CRYGC: variants seen among roughly 807,000 people sequenced by gnomAD.
CRYGC encodes the protein crystallin gamma C, also known as gamma-crystallin C.
In CRYGC, 14 loss-of-function variants were observed where a neutral mutation model predicts 21.9. That is an observed-to-expected ratio of 0.64 (90% CI 0.42 to 1.00). The LOEUF is 1.00. CRYGC is among the 50% of genes least tolerant of loss of function. The pLI, the probability that CRYGC is intolerant of heterozygous loss-of-function variation, is 0.00. For missense variants in CRYGC, 235 were observed against 234.2 expected (o/e 1.00, Z -0.02); for synonymous variants, 96 against 89.8 (o/e 1.07, Z -0.39).
chr2:208,128,255 C>T lies in CRYGC; in HGVS notation c.473G>A (p.Gly158Glu). 2 of 1,614,236 alleles carry T rather than the reference C, an allele frequency of 1.2e-6. No individual in the cohort carries two copies. Among genetic ancestry groups the T allele is most frequent in the Non-Finnish European group, 8.5e-7 (1 of 1,180,048 alleles). Residue 158 changes from glycine to glutamate, a missense_variant, in exon 3 of 3, where the codon GGG (glycine) becomes GAG (glutamate). Coordinates refer to ENST00000282141, the MANE Select transcript of CRYGC (RefSeq NM_020989.4). Reference sequence around the variant, plus strand: ...AGAGCCTGCCTTAGCATCCATGGCCCCCCAGTCCTGGCACCGCCTGTACTC... The same window carrying T: ...AGAGCCTGCCTTAGCATCCATGGCCTCCCAGTCCTGGCACCGCCTGTACTC... ...PQEYRRCQDW[G>E]AMDAKAGSLR...
chr2:208,128,139 G>T lies in CRYGC; in HGVS notation c.*64C>A, dbSNP rs1229036021. ...GAAAGAATGACAGAAGTCAGCAATT[G>T]CCAGCAATGCAGACTAAATATTTAT... On this transcript the variant is annotated 3_prime_UTR_variant, in exon 3 of 3. Transcript: ENST00000282141. 1.3e-5 allele frequency: 21 copies of T among 1,585,644 alleles called. No homozygotes were observed. The Admixed American group carries it at 2.0e-4, about 15-fold the overall frequency.
At chr2:208,128,898 G>A (rs1384930063) in intron 2 of CRYGC, among the ~76,000 whole-genome samples, 3 of 152,164 alleles carry the variant, frequency 2.0e-5, no homozygotes, top group South Asian at 2.1e-4. Flanking sequence ...TACCACTAAA[G>A]TAAGATTTAA....
chr2:208,129,751 T>C, intron 1 of CRYGC, 33 bp downstream of exon 1: 1 of 1,614,220 alleles, frequency 6.2e-7, no homozygotes, highest in Non-Finnish European at 8.5e-7. Context: ...AGGCAACTTT[T>C]TTTTCATTTT....
At chr2:208,128,927 G>A (rs1301277088) in intron 2 of CRYGC, among the ~76,000 whole-genome samples, 1 of 152,178 alleles carries the variant, frequency 6.6e-6, no homozygotes, top group South Asian at 2.1e-4. Context: ...GTACTTCAGT[G>A]TAAAGTTAAA....
chr2:208,129,560 G>A lies in CRYGC; in HGVS notation c.133C>T (p.Leu45Phe). Residue 45 changes from leucine to phenylalanine, a missense_variant, in exon 2 of 3, where the codon CTC becomes TTC. Transcript: ENST00000282141. Reference sequence around the variant, plus strand: ...CCTTGGTAGTTGGGACGCTCATAGAGCATCCAGCAGCCGCTCTCCACCCGG... The same window carrying A: ...CCTTGGTAGTTGGGACGCTCATAGAACATCCAGCAGCCGCTCTCCACCCGG... ...SIRVESGCWMLYERPNYQGQQ... is the reference protein window; with the variant it reads ...SIRVESGCWMFYERPNYQGQQ... 2 of 1,614,234 alleles carry A rather than the reference G, an allele frequency of 1.2e-6. No homozygotes were observed. Among genetic ancestry groups the A allele is most frequent in the Non-Finnish European group, 1.7e-6 (2 of 1,180,046 alleles).
rs2242073 is a variant in CRYGC, at chr2:208,129,321, T to G, written c.252+120A>C. ...TGTGCATGTTATCTATCTGGCTTAT[T>G]CAGGTCTCTGATGTCCATCTAACCC... On this transcript the variant is annotated intron_variant, in intron 2 of 2. Coordinates refer to ENST00000282141, the MANE Select transcript of CRYGC (RefSeq NM_020989.4). 0.15 allele frequency: 214,758 copies of G among 1,385,542 alleles called. 17,637 individuals are homozygous for G. Among genetic ancestry groups the G allele is most frequent in the African/African-American group, 0.24 (16,768 of 69,262 alleles). The allele number at this position is 1,385,542 out of a possible 1,614,324, so 85.8% of individuals were successfully genotyped here. A position where few individuals can be genotyped will look rare whatever the true frequency, so the allele number is the denominator to read the frequency against.
chr2:208,128,551 T>C (rs1695035939), intron 2 of CRYGC, 76 bp from the exon 3 acceptor site: 4 of 1,542,168 alleles, frequency 2.6e-6, no homozygotes, highest in Non-Finnish European at 2.7e-6. Flanking sequence ...AAAGAACAGA[T>C]GAACTTGGTA....
At chr2:208,129,731 C>T (rs376580720) in intron 1 of CRYGC, 48 bp from the exon 2 acceptor site, 7 of 1,614,114 alleles carry the variant, frequency 4.3e-6, no homozygotes, top group Admixed American at 3.3e-5. Context: ...TCCTAACAGG[C>T]ATTATATAAA....
chr2:208,128,329 G>C lies in CRYGC; in HGVS notation c.399C>G (p.Leu133=), dbSNP rs780599510. 22 of 1,614,194 alleles carry C rather than the reference G, an allele frequency of 1.4e-5. No individual in the cohort carries two copies. The highest frequency in any genetic ancestry group is 1.7e-5 in the Non-Finnish European group (20 of 1,180,032). The change falls in exon 3 of 3, where the codon CTC becomes CTG. Residue 133 remains leucine, a synonymous_variant. Transcript: ENST00000282141. ...SLHVLEGCWV[L]YELPNYRGRQ... ...GCCCCCGGTAGTTGGGCAGCTCGTA[G>C]AGGACCCAGCAGCCCTCCAGCACGT...
intron 1 of CRYGC, 27 bp from the exon 2 acceptor site, chr2:208,129,710 A>G (rs1695068459): frequency 6.2e-7 from 1 of 1,614,116 alleles, no homozygotes; most frequent in Admixed American, 1.7e-5. Flanking sequence ...GTTCCGAATT[A>G]CATTATTTGC....
At position 208,128,191 on chromosome 2, in the gene CRYGC, T is replaced by C. The variant is rs756472701; in HGVS notation, c.*12A>G. Reference sequence around the variant, plus strand: ...AGGTTCCAAAATGGGAAATTGGTAGTGTTAAGCTATTTTAATACAAATCCA... The same window carrying C: ...AGGTTCCAAAATGGGAAATTGGTAGCGTTAAGCTATTTTAATACAAATCCA... On this transcript the variant is annotated 3_prime_UTR_variant, in exon 3 of 3. Coordinates refer to ENST00000282141, the MANE Select transcript of CRYGC (RefSeq NM_020989.4). 7.1e-5 allele frequency: 114 copies of C among 1,614,074 alleles called. No individual in the cohort carries two copies. Among genetic ancestry groups the C allele is most frequent in the Non-Finnish European group, 9.5e-5 (112 of 1,180,024 alleles).
Position 208,129,700 on chromosome 2 carries a change from G to A in CRYGC, c.10-17C>T, listed in dbSNP as rs749943949. 1.8e-5 allele frequency: 29 copies of A among 1,614,100 alleles called. No individual in the cohort carries two copies. The highest frequency in any genetic ancestry group is 1.1e-4 in the South Asian group (10 of 91,090). ...GAAGGTGATCTGCAAAGGAAGAATC[G>A]TTCCGAATTACATTATTTGCTCCTA... is the stretch of plus-strand genomic sequence containing the variant. On this transcript the variant is annotated splice_polypyrimidine_tract_variant and intron_variant, in intron 1 of 2. Coordinates refer to ENST00000282141, the MANE Select transcript of CRYGC (RefSeq NM_020989.4).
At position 208,128,341 on chromosome 2, in the gene CRYGC, G is replaced by A; in HGVS notation, c.387C>T (p.Gly129=). The stretch of plus-strand genomic sequence containing the variant: ...TGGGCAGCTCGTAGAGGACCCAGCA[G>A]CCCTCCAGCACGTGGAGGGAACGGA... ...SEIRSLHVLE[G]CWVLYELPNY... is the part of the protein sequence containing the mutation. Residue 129 remains glycine, a synonymous_variant, in exon 3 of 3, where the codon GGC becomes GGT. Transcript: ENST00000282141. The A allele has an allele frequency of 1.2e-6, 2 of 1,614,202 alleles. No homozygotes were observed. Among genetic ancestry groups the A allele is most frequent in the Non-Finnish European group, 1.7e-6 (2 of 1,180,028 alleles).
rs80188786 is a variant in CRYGC at position 208,128,567 on chromosome 2, T to G, written c.253-92A>C. ...AAGAACAGATGAACTTGGTAGGTTG[T>G]GGCATGGAATTGTCATTGTAAAATT... On this transcript the variant is annotated intron_variant, in intron 2 of 2. Coordinates refer to ENST00000282141, the MANE Select transcript of CRYGC (RefSeq NM_020989.4). The G allele has an allele frequency of 2.9e-3, 4,203 of 1,449,908 alleles. 93 individuals carry two copies. In the African/African-American group the frequency reaches 0.047, roughly 16 times the overall value. The allele number at this position is 1,449,908 out of a possible 1,614,324, so 89.8% of individuals were successfully genotyped here.
Position 208,129,482 on chromosome 2 carries a change from C to CCAT in CRYGC, c.208_210dup (p.Met70dup). ...CAGGAGCGGATGGAGTCGCTGAGGCCCATCCATTGCTGGTAGTCGGGGTAC... is the reference window on the plus strand; with the variant it reads ...CAGGAGCGGATGGAGTCGCTGAGGCCCATCATCCATTGCTGGTAGTCGGGGTAC... On this transcript the variant is annotated inframe_insertion, in exon 2 of 3. Coordinates refer to ENST00000282141, the MANE Select transcript of CRYGC (RefSeq NM_020989.4). 1 of 1,613,920 alleles carries CCAT rather than the reference C, an allele frequency of 6.2e-7. No homozygotes were observed. Among genetic ancestry groups the CCAT allele is most frequent in the East Asian group, 2.2e-5 (1 of 44,876 alleles).
intron 2 of CRYGC, among the ~76,000 whole-genome samples, chr2:208,129,168 T>C (rs1428923584): frequency 4.6e-5 from 7 of 152,394 alleles, no homozygotes; most frequent in Admixed American, 2.6e-4. Flanking sequence ...TTGCAAGTTT[T>C]GTTTTATATC....
chr2:208,129,747 C>T (rs776791406), intron 1 of CRYGC, 37 bp downstream of exon 1: 1 of 1,614,086 alleles, frequency 6.2e-7, no homozygotes, highest in South Asian at 1.1e-5. Flanking sequence ...ATAAAGGCAA[C>T]TTTTTTTTCA....
At chr2:208,128,627 G>A in intron 2 of CRYGC, 152 bp from the exon 3 acceptor site, 2 of 903,444 alleles carry the variant, frequency 2.2e-6, no homozygotes, top group East Asian at 2.6e-5. Flanking sequence ...TGTGGTTGCT[G>A]CGCATGGATC....
chr2:208,128,528 A>G, intron 2 of CRYGC, 53 bp from the exon 3 acceptor site: 1 of 1,608,194 alleles, frequency 6.2e-7, no homozygotes. Flanking sequence ...TCTCTTCCAG[A>G]ATTTGTCCAA....
Sources: gnomAD v4.1 joint callset for allele counts (sites outside exome capture counted in the v4.1 genomes callset) on GRCh38, gnomAD v4.1.1 for gene constraint, MANE v1.5 for transcripts, NCBI Gene and HGNC (gene_info 2026-07-23, HGNC 2026-07-21) for gene names.